Variants in ANK3 observed in about 807,000 individuals in gnomAD.
ANK3 encodes the protein ankyrin-3.
Under a neutral mutation model 370.9 loss-of-function variants are expected in ANK3, and 57 were observed. That is an observed-to-expected ratio of 0.15 (90% CI 0.12 to 0.19). The LOEUF is 0.19. Among genes scored for constraint, ANK3 ranks in the 10% least tolerant of loss-of-function variants. The pLI is 1.00. For synonymous variants in ANK3, 1,929 were observed against 1,946.3 expected (o/e 0.99, Z 0.23); for missense variants, 4,439 against 5,302.1 (o/e 0.84, Z 5.06).
chr10:60,162,766 C>G (rs1289273567), intron 23 of ANK3, among the ~76,000 whole-genome samples: 1 of 152,068 alleles, frequency 6.6e-6, no homozygotes, highest in African/African-American at 2.4e-5. Flanking sequence ...AGGAGTTTGC[C>G]TCACCAGCTG....
intron 42 of ANK3, chr10:60,050,603 G>C: frequency 6.6e-6 from 1 of 152,238 alleles, no homozygotes; most frequent in East Asian, 1.9e-4. Context: ...AAAAGTCTGC[G>C]CATTGAAAAT....
At position 60,063,204 on chromosome 10, in the gene ANK3, T is replaced by C. The variant is rs1380830734; in HGVS notation, c.12502A>G (p.Thr4168Ala). 5.0e-6 allele frequency: 8 copies of C among 1,612,222 alleles called. No individual in the cohort carries two copies. Among genetic ancestry groups the C allele is most frequent in the Non-Finnish European group, 5.9e-6 (7 of 1,179,390 alleles). Residue 4168 changes from threonine to alanine, a missense_variant, in exon 40 of 44, where the codon ACA becomes GCA. Physicochemically the swap from Thr to Ala is moderately conservative, Grantham distance 58. This residue lies in a region of ANK3 where 99 missense variants were observed against 150.7 expected (regional missense o/e 0.66). Coordinates refer to ENST00000280772, the MANE Select transcript of ANK3 (RefSeq NM_020987.5). Reference protein sequence around the residue: ...LTKINRIDIVTLLEGPIFDYG... With the variant: ...LTKINRIDIVALLEGPIFDYG... Reference sequence around the variant, plus strand: ...TCAAATATTGGTCCTTCTAGCAGTGTCACTATATCTATTCGATTAATTTTT... The same window carrying C: ...TCAAATATTGGTCCTTCTAGCAGTGCCACTATATCTATTCGATTAATTTTT...
At chr10:60,235,176 AAG>A (rs1237644185) in intron 7 of ANK3, among the ~76,000 whole-genome samples, 1 of 152,222 alleles carries the variant, frequency 6.6e-6, no homozygotes, top group Non-Finnish European at 1.5e-5. Context: ...CTCAGTTTAA[AAG>A]AGTGTCATGT....
In ANK3 at chr10:60,533,142, C is replaced by T. The variant is rs149581635; in HGVS notation, c.96+82044G>A. Among the ~76,000 whole-genome samples the T allele has an allele frequency of 9.3e-3, 1,414 of 152,218 alleles. 19 individuals are homozygous for T. The highest frequency in any genetic ancestry group is 0.032 in the African/African-American group (1,329 of 41,530). On this transcript the variant is annotated intron_variant, in intron 2 of 43. Transcript: ENST00000373827. The stretch of plus-strand genomic sequence containing the variant: ...TCTTGCCTGCCCCAGACCCTTGCTG[C>T]TCAATTTGGACACGACTGGACCAAA...
intron 2 of ANK3, among the ~76,000 whole-genome samples, chr10:60,592,618 G>T (rs1391729697): frequency 2.0e-5 from 3 of 152,116 alleles, no homozygotes; most frequent in Non-Finnish European, 4.4e-5. Flanking sequence ...AATTAAACTA[G>T]CCAGGCTTGG....
chr10:60,411,170 T>C (rs937358762), intron 2 of ANK3, among the ~76,000 whole-genome samples: 5 of 152,174 alleles, frequency 3.3e-5, no homozygotes, highest in African/African-American at 1.2e-4. Flanking sequence ...AACAAACTTT[T>C]ATTATGTTAG....
intron 7 of ANK3, among the ~76,000 whole-genome samples, chr10:60,246,275 A>AG (rs1305436593): frequency 8.9e-6 from 1 of 112,966 alleles, no homozygotes; most frequent in East Asian, 2.9e-4. Context: ...AAAAAAAAAA[A>AG]AAAAAAGAAA....
chr10:60,630,775 G>C (rs780456716), intron 1 of ANK3, among the ~76,000 whole-genome samples: 1 of 152,156 alleles, frequency 6.6e-6, no homozygotes, highest in Non-Finnish European at 1.5e-5. Context: ...ATAGAACACG[G>C]ACAGGATAAT....
intron 18 of ANK3, among the ~76,000 whole-genome samples, chr10:60,179,476 C>A (rs1052458791): frequency 2.0e-5 from 3 of 152,150 alleles, no homozygotes; most frequent in Non-Finnish European, 4.4e-5. Flanking sequence ...AGATGGATCA[C>A]CTGAGGTCAG....
chr10:60,392,603 G>A (rs572746388), upstream of ANK3, among the ~76,000 whole-genome samples: 57 of 152,308 alleles, frequency 3.7e-4, no homozygotes, highest in African/African-American at 1.2e-3. Context: ...TAGGATGGGC[G>A]TGGCCCATGC....
intron 2 of ANK3, among the ~76,000 whole-genome samples, chr10:60,468,356 G>C (rs941237390): frequency 2.6e-5 from 4 of 152,080 alleles, no homozygotes; most frequent in Non-Finnish European, 4.4e-5. Flanking sequence ...AATGTGTGAA[G>C]AAATTATGAA....
intron 2 of ANK3, among the ~76,000 whole-genome samples, chr10:60,430,812 A>C (rs2064002725): frequency 6.6e-6 from 1 of 152,328 alleles, no homozygotes; most frequent in African/African-American, 2.4e-5. Flanking sequence ...AATAAAAAAA[A>C]AACTTGGATT....
At chr10:60,280,868 C>T (rs1248333378) in intron 1 of ANK3, among the ~76,000 whole-genome samples, 1 of 152,132 alleles carries the variant, frequency 6.6e-6, no homozygotes. Context: ...TCTCAGTGCT[C>T]CCAGCATTAA....
chr10:60,612,523 G>T (rs1171245363), intron 2 of ANK3, among the ~76,000 whole-genome samples: 2 of 151,982 alleles, frequency 1.3e-5, no homozygotes, highest in East Asian at 3.9e-4. Context: ...ATGGAGTCTC[G>T]CTCTGTCTCC....
chr10:60,699,920 G>A (rs887623898), intron 1 of ANK3, among the ~76,000 whole-genome samples: 4 of 152,016 alleles, frequency 2.6e-5, no homozygotes, highest in East Asian at 1.9e-4. Flanking sequence ...GTTAGATGTC[G>A]ACTACAAAAT....
At chr10:60,255,184 T>A (rs2097717746) in intron 7 of ANK3, among the ~76,000 whole-genome samples, 1 of 152,092 alleles carries the variant, frequency 6.6e-6, no homozygotes, top group African/African-American at 2.4e-5. Flanking sequence ...CCTGCAGAAG[T>A]AAAGAAGGGA....
intron 23 of ANK3, among the ~76,000 whole-genome samples, chr10:60,157,020 T>G (rs1056487916): frequency 2.7e-5 from 4 of 149,842 alleles, no homozygotes; most frequent in Non-Finnish European, 5.9e-5. Flanking sequence ...AATAGCTGTC[T>G]TGTGGAAGCT....
At chr10:60,389,966 G>A (rs1566989609), upstream of ANK3, 4 of 524,718 alleles carry the variant, frequency 7.6e-6, no homozygotes, top group Non-Finnish European at 9.8e-6. Flanking sequence ...AAAATCCAGC[G>A]CTAATTCTGA....
chr10:60,151,700 T>G (rs184043544), intron 23 of ANK3, among the ~76,000 whole-genome samples: 1 of 152,336 alleles, frequency 6.6e-6, no homozygotes, highest in African/African-American at 2.4e-5. Context: ...CAGCCTCAGA[T>G]ATTCCTTCAT....
Sources: allele counts gnomAD v4.1 joint callset (sites outside exome capture counted in the v4.1 genomes callset), GRCh38; gene constraint gnomAD v4.1.1; regional missense constraint gnomAD v4.1.1; transcripts MANE v1.5; gene names NCBI Gene and HGNC (gene_info 2026-07-23, HGNC 2026-07-21).